Variants in CYTH3 observed in about 807,000 individuals in gnomAD.
CYTH3 encodes the protein cytohesin-3.
Under a neutral mutation model 55.1 loss-of-function variants are expected in CYTH3, and 23 were observed. That is an observed-to-expected ratio of 0.42 (90% CI 0.30 to 0.59). The LOEUF (loss-of-function observed/expected upper bound fraction) is 0.59. Ranked by LOEUF, CYTH3 falls within the 20% of genes least tolerant of loss-of-function variation. The pLI is 0.20. For synonymous variants in CYTH3, 249 were observed against 194.9 expected (o/e 1.28, Z -2.31); for missense variants, 413 against 524.8 (o/e 0.79, Z 2.08).
At chr7:6,239,627 CA>C (rs2128555139) in intron 1 of CYTH3, among the ~76,000 whole-genome samples, 1 of 152,098 alleles carries the variant, frequency 6.6e-6, no homozygotes, top group African/African-American at 2.4e-5. Context: ...CCAAGAGAAG[CA>C]AATGAAAAAC....
intron 1 of CYTH3, among the ~76,000 whole-genome samples, chr7:6,219,739 AC>A (rs1784510884): frequency 6.6e-6 from 1 of 152,188 alleles, no homozygotes; most frequent in African/African-American, 2.4e-5. Context: ...TAGAAACTCC[AC>A]TAGCTTGGAA....
In CYTH3 at chr7:6,167,412, C is replaced by T. The variant is rs1260856370; in HGVS notation, c.824-1602G>A. Among the ~76,000 whole-genome samples the T allele has an allele frequency of 6.6e-6, 1 of 152,182 alleles. No homozygotes were observed. The highest frequency in any genetic ancestry group is 1.5e-5 in the Non-Finnish European group (1 of 68,040). On this transcript the variant is annotated intron_variant, in intron 9 of 12. Transcript: ENST00000350796. The surrounding 1 kb of genome is among the most constrained non-coding windows in gnomAD (Gnocchi z 5.5). Reference sequence around the variant, plus strand: ...CTTGCTCCAGCTTGAACTGCTGTGGCAGAATCAGCTGACAGCAACTCCACT... The same window carrying T: ...CTTGCTCCAGCTTGAACTGCTGTGGTAGAATCAGCTGACAGCAACTCCACT...
At chr7:6,253,799 G>C (rs2115050906) in intron 1 of CYTH3, among the ~76,000 whole-genome samples, 1 of 151,914 alleles carries the variant, frequency 6.6e-6, no homozygotes. Context: ...CTGGGTGACA[G>C]AGTGAGATGC....
At chr7:6,255,591 T>C (rs1266650396) in intron 1 of CYTH3, among the ~76,000 whole-genome samples, 2 of 151,942 alleles carry the variant, frequency 1.3e-5, no homozygotes, top group Non-Finnish European at 2.9e-5. Context: ...ACTGCAGTAG[T>C]CCTGGGGGTC....
At chr7:6,251,715 C>A (rs144318195) in intron 1 of CYTH3, among the ~76,000 whole-genome samples, 41 of 152,038 alleles carry the variant, frequency 2.7e-4, no homozygotes, top group African/African-American at 9.9e-4. Flanking sequence ...CCCTGAACCA[C>A]GGAAACGTAA....
chr7:6,177,689 G>A, intron 5 of CYTH3, 134 bp downstream of exon 5: 1 of 687,286 alleles, frequency 1.5e-6, no homozygotes, highest in Non-Finnish European at 2.6e-6. Flanking sequence ...ATTGAGACGG[G>A]CATGTGGATG....
chr7:6,192,367 G>A (rs190467104), intron 1 of CYTH3, among the ~76,000 whole-genome samples: 1 of 151,096 alleles, frequency 6.6e-6, no homozygotes, highest in Non-Finnish European at 1.5e-5. Flanking sequence ...ACAGACATGC[G>A]CCACCATGTC....
intron 4 of CYTH3, among the ~76,000 whole-genome samples, chr7:6,184,646 T>C (rs1295648165): frequency 6.6e-6 from 1 of 151,994 alleles, no homozygotes; most frequent in East Asian, 1.9e-4. Context: ...AGTGATGCAA[T>C]CTCAGCTCAC....
At chr7:6,259,802 T>TAATATTATATATATAA in intron 1 of CYTH3, among the ~76,000 whole-genome samples, 1 of 27,772 alleles carries the variant, frequency 3.6e-5, no homozygotes, top group African/African-American at 3.5e-4. Flanking sequence ...TATATATATA[T>TAATATTATATATATAA]ATATATATAT....
At chr7:6,224,523 G>A (rs774820083) in intron 1 of CYTH3, among the ~76,000 whole-genome samples, 1 of 152,172 alleles carries the variant, frequency 6.6e-6, no homozygotes, top group African/African-American at 2.4e-5. Flanking sequence ...TAGCATAAGA[G>A]CTAAAACTAG....
Position 6,187,734 on chromosome 7 carries a change from A to T in CYTH3, c.118-13T>A. Reference sequence around the variant, plus strand: ...CATATTTCAGCCTCTGTCAAAAAAGAAGAATTTCGAGGTGGGGAGTGGGTC... The same window carrying T: ...CATATTTCAGCCTCTGTCAAAAAAGTAGAATTTCGAGGTGGGGAGTGGGTC... On this transcript the variant is annotated splice_polypyrimidine_tract_variant and intron_variant, in intron 2 of 12. Coordinates refer to ENST00000350796, the MANE Select transcript of CYTH3 (RefSeq NM_004227.4). 6.2e-7 allele frequency: 1 copy of T among 1,613,756 alleles called. No individual in the cohort carries two copies. The highest frequency in any genetic ancestry group is 1.3e-5 in the African/African-American group (1 of 75,044).
At chr7:6,229,926 G>A (rs1459663069) in intron 1 of CYTH3, among the ~76,000 whole-genome samples, 1 of 152,050 alleles carries the variant, frequency 6.6e-6, no homozygotes, top group Non-Finnish European at 1.5e-5. Flanking sequence ...CTTGAGGTCT[G>A]GAGTTCGAGA....
intron 2 of CYTH3, among the ~76,000 whole-genome samples, chr7:6,188,367 A>T (rs778940752): frequency 5.3e-5 from 8 of 151,678 alleles, no homozygotes; most frequent in Non-Finnish European, 1.2e-4. Context: ...AAAAAAAAAA[A>T]GCCCAGCAAA....
At chr7:6,238,548 CAAAAGT>C (rs920213873) in intron 1 of CYTH3, among the ~76,000 whole-genome samples, 5 of 152,048 alleles carry the variant, frequency 3.3e-5, no homozygotes, top group African/African-American at 1.2e-4. Context: ...ATTGAGTAAG[CAAAAGT>C]AAATGTAAAA....
At chr7:6,187,463 G>C (rs1783683630) in intron 3 of CYTH3, among the ~76,000 whole-genome samples, 194 bp downstream of exon 3, 1 of 152,196 alleles carries the variant, frequency 6.6e-6, no homozygotes. Context: ...TTACAGAGGA[G>C]GCAATGGGAG....
chr7:6,170,875 G>A lies in CYTH3; in HGVS notation c.666C>T (p.Asn222=). 1 of 1,613,670 alleles carries A rather than the reference G, an allele frequency of 6.2e-7. No individual in the cohort carries two copies. The highest frequency in any genetic ancestry group is 8.5e-7 in the Non-Finnish European group (1 of 1,179,820). Residue 222 remains asparagine, a synonymous_variant, in exon 8 of 13, where the codon AAC becomes AAT. Transcript: ENST00000350796. The surrounding 1 kb of genome is among the most constrained non-coding windows in gnomAD (Gnocchi z 7.8). ...GGTCCCCGCCCTCGTTGATGCCGCG[G>A]TTCATGGCGATGAACCGTTCTGCCG... ...KPTAERFIAM[N]RGINEGGDLP...
intron 1 of CYTH3, among the ~76,000 whole-genome samples, chr7:6,203,202 A>T (rs556071480): frequency 6.6e-6 from 1 of 152,314 alleles, no homozygotes; most frequent in African/African-American, 2.4e-5. Context: ...AGGCAAAAAA[A>T]AAAAAATGTT....
intron 1 of CYTH3, among the ~76,000 whole-genome samples, chr7:6,267,743 C>G (rs1413070278): frequency 6.6e-6 from 1 of 152,104 alleles, no homozygotes; most frequent in South Asian, 2.1e-4. Context: ...AGACTGGTCT[C>G]GAACTCCTGA....
chr7:6,241,418 TA>T (rs1349884304), intron 1 of CYTH3, among the ~76,000 whole-genome samples: 2 of 152,236 alleles, frequency 1.3e-5, no homozygotes, highest in African/African-American at 2.4e-5. Context: ...TTTGACAGAC[TA>T]CCTGTTGACA....
Sources: allele counts gnomAD v4.1 joint callset (sites outside exome capture counted in the v4.1 genomes callset), GRCh38; gene constraint gnomAD v4.1.1; non-coding constraint Gnocchi (gnomAD v3.1); transcripts MANE v1.5; gene names NCBI Gene and HGNC (gene_info 2026-07-23, HGNC 2026-07-21).